The following CEP350 variants were observed in gnomAD, a reference collection of about 807,000 sequenced individuals.
CEP350 encodes the protein centrosome-associated protein 350.
In CEP350, 126 loss-of-function variants were observed where a neutral mutation model predicts 331.8. The observed-to-expected ratio is 0.38, with a 90% CI of 0.33 to 0.44. The LOEUF (loss-of-function observed/expected upper bound fraction) is 0.44, where lower values mean the gene tolerates loss of function less well. Ranked by LOEUF, CEP350 falls within the 20% of genes least tolerant of loss-of-function variation. The probability of loss-of-function intolerance (pLI) is 1.00; values close to 1 mark genes in which losing one functional copy is unlikely to be tolerated. For missense variants in CEP350, 3,406 were observed against 3,634.6 expected (o/e 0.94, Z 1.62); for synonymous variants, 1,200 against 1,259.5 (o/e 0.95, Z 1.00).
At position 179,955,158 on chromosome 1, in the gene CEP350, A is replaced by G; in HGVS notation, c.-14+16A>G. Reference sequence around the variant, plus strand: ...ACACTCTCAGGTGAGCTCCTGTAGGACCTGGCTGGGACCGCGGAGTCTCGC... The same window carrying G: ...ACACTCTCAGGTGAGCTCCTGTAGGGCCTGGCTGGGACCGCGGAGTCTCGC... On this transcript the variant is annotated intron_variant, in intron 1 of 37. Transcript: ENST00000367607. The G allele has an allele frequency of 7.0e-7, 1 of 1,430,790 alleles. No homozygotes were observed. Among genetic ancestry groups the G allele is most frequent in the South Asian group, 1.3e-5 (1 of 78,342 alleles). 88.6% of individuals were successfully genotyped at this position (1,430,790 alleles called of 1,614,324 possible).
chr1:180,018,603 T>C (rs184640538), intron 11 of CEP350, among the ~76,000 whole-genome samples: 38 of 152,312 alleles, frequency 2.5e-4, no homozygotes, highest in African/African-American at 8.9e-4. Context: ...TTTCAACTTA[T>C]TATTACCCTG....
chr1:180,055,139 A>T (rs1657733547), intron 25 of CEP350, among the ~76,000 whole-genome samples: 1 of 152,240 alleles, frequency 6.6e-6, no homozygotes, highest in Admixed American at 6.5e-5. Context: ...GTTAATACAT[A>T]AAATAAACTT....
At chr1:179,975,855 G>A (rs1651823334) in intron 1 of CEP350, among the ~76,000 whole-genome samples, 1 of 152,090 alleles carries the variant, frequency 6.6e-6, no homozygotes, top group Non-Finnish European at 1.5e-5. Context: ...AGGAAATAAA[G>A]CCATGAAAGT....
intron 15 of CEP350, among the ~76,000 whole-genome samples, chr1:180,033,520 G>A (rs1053343118): frequency 3.3e-5 from 5 of 152,098 alleles, no homozygotes; most frequent in Non-Finnish European, 5.9e-5. Context: ...GCTGTAGAGT[G>A]TCTATTTTAG....
rs1239606353 is a variant in CEP350, at chr1:180,092,818, C to T, written c.6713C>T (p.Thr2238Ile). ...ALHLLKELNATSRILDMSDGK... is the reference protein window; with the variant it reads ...ALHLLKELNAISRILDMSDGK... The stretch of plus-strand genomic sequence containing the variant: ...CATCTTCTCAAAGAATTAAATGCCA[C>T]TAGTAGAATTCTTGATATGTCAGAT... Residue 2238 changes from threonine (T) to isoleucine (I), a missense_variant, in exon 34 of 38, where the codon ACT (threonine) becomes ATT (isoleucine). Physicochemically the swap from Thr to Ile is moderately conservative, Grantham distance 89. This residue lies in a region of CEP350 where 1,415 missense variants were observed against 1,512.3 expected (regional missense o/e 0.94). Coordinates refer to ENST00000367607, the MANE Select transcript of CEP350 (RefSeq NM_014810.5). The T allele has an allele frequency of 6.4e-7, 1 of 1,569,712 alleles. No individual in the cohort carries two copies. The highest frequency in any genetic ancestry group is 8.7e-7 in the Non-Finnish European group (1 of 1,155,878).
At chr1:180,014,676 AAAAT>A (rs929450972) in intron 10 of CEP350, among the ~76,000 whole-genome samples, 171 bp downstream of exon 10, 5 of 152,358 alleles carry the variant, frequency 3.3e-5, no homozygotes, top group African/African-American at 1.2e-4. Flanking sequence ...AATGTGATGG[AAAAT>A]AAAAGCTGAA....
At chr1:179,965,954 A>G (rs909180896) in intron 1 of CEP350, among the ~76,000 whole-genome samples, 1 of 152,070 alleles carries the variant, frequency 6.6e-6, no homozygotes, top group Admixed American at 6.6e-5. Context: ...CCTAGCTACT[A>G]TTTCTTAGCT....
intron 27 of CEP350, among the ~76,000 whole-genome samples, chr1:180,067,782 C>T (rs1571950160): frequency 1.3e-5 from 2 of 152,186 alleles, no homozygotes; most frequent in East Asian, 3.9e-4. Context: ...ATTTTTTGGT[C>T]TCTGAAACAA....
At chr1:180,062,180 C>T (rs1193529049) in intron 25 of CEP350, 40 bp from the exon 26 acceptor site, 4 of 1,489,740 alleles carry the variant, frequency 2.7e-6, no homozygotes, top group Non-Finnish European at 3.6e-6. Flanking sequence ...GCCTTGTCTT[C>T]TCCCAATCTT....
chr1:180,055,736 CG>C (rs1316515999), intron 25 of CEP350, among the ~76,000 whole-genome samples: 3 of 151,558 alleles, frequency 2.0e-5, no homozygotes, highest in African/African-American at 7.3e-5. Context: ...TTAGTAGAGA[CG>C]GGATTTCACC....
chr1:179,984,545 G>A (rs1413307528), intron 1 of CEP350, among the ~76,000 whole-genome samples: 1 of 152,176 alleles, frequency 6.6e-6, no homozygotes, highest in Admixed American at 6.5e-5. Flanking sequence ...AGATGAGAAT[G>A]CGTTTTATAG....
chr1:179,957,408 T>G (rs1194235427), intron 1 of CEP350, among the ~76,000 whole-genome samples: 9 of 152,200 alleles, frequency 5.9e-5, no homozygotes, highest in Non-Finnish European at 1.0e-4. Context: ...ATTGATTTGT[T>G]GTTGTTGTTG....
intron 4 of CEP350, 68 bp downstream of exon 4, chr1:179,990,689 G>A (rs567738179): frequency 2.5e-5 from 21 of 824,090 alleles, no homozygotes; most frequent in Non-Finnish European, 3.8e-5. Flanking sequence ...CAGACAGCTA[G>A]ATCTACAGGG....
At chr1:180,104,056 AT>A (rs1490824312) in intron 37 of CEP350, among the ~76,000 whole-genome samples, 1 of 142,676 alleles carries the variant, frequency 7.0e-6, no homozygotes, top group Non-Finnish European at 1.5e-5. Flanking sequence ...ACAAATATAT[AT>A]TTTAAATATA....
Position 180,044,920 on chromosome 1 carries a change from A to G in CEP350, c.4622+747A>G, listed in dbSNP as rs557166982. Among the ~76,000 whole-genome samples the G allele has an allele frequency of 1.5e-3, 230 of 152,040 alleles. 2 individuals carry two copies. The highest frequency in any genetic ancestry group is 6.5e-4 in the Admixed American group (10 of 15,282). ...GGAAAAAAAAAAAGAAACCCATTCA[A>G]GGTCACATAAATAATGATACATCAA... is the stretch of plus-strand genomic sequence containing the variant. On this transcript the variant is annotated intron_variant, in intron 21 of 37. Coordinates refer to ENST00000367607, the MANE Select transcript of CEP350 (RefSeq NM_014810.5).
intron 23 of CEP350, 128 bp downstream of exon 23, chr1:180,053,294 T>G: frequency 1.9e-6 from 1 of 534,360 alleles, no homozygotes; most frequent in South Asian, 3.7e-5. Flanking sequence ...CAGTTTTATT[T>G]TATAGTTTTC....
At chr1:180,075,346 GA>G in intron 28 of CEP350, 125 bp downstream of exon 28, 1 of 970,878 alleles carries the variant, frequency 1.0e-6, no homozygotes, top group Non-Finnish European at 1.5e-6. Flanking sequence ...TAACACTTTG[GA>G]AGGCCAAGGC....
intron 1 of CEP350, among the ~76,000 whole-genome samples, chr1:179,981,112 A>G (rs573952030): frequency 4.9e-4 from 74 of 152,300 alleles, no homozygotes; most frequent in African/African-American, 1.7e-3. Context: ...CAGCATAACC[A>G]TGAACTTTTA....
rs900509448 is a variant in CEP350, at chr1:180,080,766, C to G, written c.6124+105C>G. The G allele has an allele frequency of 1.1e-5, 10 of 914,472 alleles. No homozygotes were observed. The Admixed American group carries it at 1.9e-4, about 17-fold the overall frequency. The allele number at this position is 914,472 out of a possible 1,614,324, so 56.6% of individuals were successfully genotyped here. The stretch of plus-strand genomic sequence containing the variant: ...ACCTTAGGAAGCATATGTAGACAGA[C>G]AGTGGTGAGTTTATGTAGGATTGTG... On this transcript the variant is annotated intron_variant, in intron 30 of 37. Transcript: ENST00000367607.
Sources: allele counts gnomAD v4.1 joint callset (sites outside exome capture counted in the v4.1 genomes callset), GRCh38; gene constraint gnomAD v4.1.1; regional missense constraint gnomAD v4.1.1; transcripts MANE v1.5; gene names NCBI Gene and HGNC (gene_info 2026-07-23, HGNC 2026-07-21).